Variants in VPS13D observed in about 807,000 individuals in gnomAD.
VPS13D encodes vacuolar protein sorting 13 homolog D, also known as intermembrane lipid transfer protein VPS13D.
VPS13D carries 187 observed loss-of-function variants against 461.9 expected under a neutral mutation model. That is an observed-to-expected ratio of 0.40 (90% CI 0.36 to 0.46). The LOEUF is 0.46. Among genes scored for constraint, VPS13D ranks in the 20% least tolerant of loss-of-function variants. The pLI is 0.60. For missense variants in VPS13D, 4,711 were observed against 5,364.9 expected, an observed-to-expected ratio of 0.88 and a Z score of 3.81; for synonymous variants, 1,951 against 1,986.3, an observed-to-expected ratio of 0.98 and a Z score of 0.47.
chr1:12,481,594 C>T (rs1645718358), intron 67 of VPS13D, among the ~76,000 whole-genome samples: 1 of 152,060 alleles, frequency 6.6e-6, no homozygotes, highest in African/African-American at 2.4e-5. Flanking sequence ...CCTGAGGTGA[C>T]CCCAAGTCCT....
chr1:12,345,252 A>G lies in VPS13D; in HGVS notation c.8886-122A>G, dbSNP rs1009812482. On this transcript the variant is annotated intron_variant, in intron 42 of 69. Coordinates refer to ENST00000620676, the MANE Select transcript of VPS13D (RefSeq NM_015378.4). ...ATTTCCCTTGCATTAGGTAATCTCC[A>G]AAAGGTTTAGCCAACTGGGTTTTTA... 17 of 1,218,476 alleles carry G rather than the reference A, an allele frequency of 1.4e-5. No homozygotes were observed. In the African/African-American group the frequency reaches 2.1e-4, roughly 15 times the overall value. 75.5% of individuals were successfully genotyped at this position (1,218,476 alleles called of 1,614,324 possible).
At chr1:12,448,343 C>G (rs1355617527) in intron 65 of VPS13D, among the ~76,000 whole-genome samples, 1 of 152,116 alleles carries the variant, frequency 6.6e-6, no homozygotes, top group East Asian at 1.9e-4. Flanking sequence ...GAGGCACAAG[C>G]TATTTATGCA....
At chr1:12,353,425 C>T (rs551071739) in intron 46 of VPS13D, among the ~76,000 whole-genome samples, 8 of 149,426 alleles carry the variant, frequency 5.4e-5, no homozygotes, top group South Asian at 2.1e-4. Flanking sequence ...CCCAGCTACT[C>T]GGAAGGCTGA....
intron 55 of VPS13D, among the ~76,000 whole-genome samples, chr1:12,374,725 T>C (rs1644174076): frequency 1.3e-5 from 2 of 152,188 alleles, no homozygotes; most frequent in Admixed American, 6.5e-5. Flanking sequence ...AGTATGTGTA[T>C]GCGTATGTAT....
intron 54 of VPS13D, among the ~76,000 whole-genome samples, chr1:12,370,174 A>T (rs1644096859): frequency 6.6e-6 from 1 of 152,248 alleles, no homozygotes; most frequent in South Asian, 2.1e-4. Context: ...CCTTAGAATT[A>T]TAATCTTCAC....
rs756456366 is a variant in VPS13D, at chr1:12,261,078, C to A, written c.1343C>A (p.Thr448Asn). 8.7e-6 allele frequency: 14 copies of A among 1,614,058 alleles called. No individual in the cohort carries two copies. The highest frequency in any genetic ancestry group is 1.2e-5 in the Non-Finnish European group (14 of 1,180,020). Residue 448 changes from threonine to asparagine, a missense_variant, in exon 12 of 70, where the codon ACC (threonine) becomes AAC (asparagine). Coordinates refer to ENST00000620676, the MANE Select transcript of VPS13D (RefSeq NM_015378.4). The part of the protein sequence containing the change: ...PGWGGWYGQQ[T>N]PEGNVVEGLS... ...TGGGGTGGCTGGTACGGGCAGCAGA[C>A]CCCAGAAGGGAATGTGGTTGAGGGA... is the stretch of plus-strand genomic sequence containing the variant.
intron 21 of VPS13D, among the ~76,000 whole-genome samples, chr1:12,284,360 A>G (rs918170639): frequency 6.6e-6 from 1 of 152,244 alleles, no homozygotes; most frequent in Non-Finnish European, 1.5e-5. Flanking sequence ...CCCTCCACAC[A>G]GTGTGTGGCA....
chr1:12,419,903 G>A (rs999748371), intron 65 of VPS13D, among the ~76,000 whole-genome samples: 9 of 152,038 alleles, frequency 5.9e-5, no homozygotes, highest in Non-Finnish European at 1.0e-4. Context: ...TCCACACCTC[G>A]GCTATCGGCT....
intron 65 of VPS13D, among the ~76,000 whole-genome samples, chr1:12,431,118 C>G (rs1044223340): frequency 6.6e-6 from 1 of 152,148 alleles, no homozygotes; most frequent in Non-Finnish European, 1.5e-5. Context: ...GGTGAGAAGC[C>G]TAGTTTTAAT....
At position 12,507,880 on chromosome 1, in the gene VPS13D, C is replaced by T. The variant is rs1646133806; in HGVS notation, c.13035+787C>T. Reference sequence around the variant, plus strand: ...ATGACACCCAGGTGTTAGTCCTGCTCATTCTCACCCGGCATACCCGGATTT... The same window carrying T: ...ATGACACCCAGGTGTTAGTCCTGCTTATTCTCACCCGGCATACCCGGATTT... On this transcript the variant is annotated intron_variant, in intron 69 of 69. Coordinates refer to ENST00000620676, the MANE Select transcript of VPS13D (RefSeq NM_015378.4). The surrounding 1 kb of genome is among the most constrained non-coding windows in gnomAD (Gnocchi z 5.3). Among the ~76,000 whole-genome samples, 1 of 152,248 alleles carries T rather than the reference C, an allele frequency of 6.6e-6. No individual in the cohort carries two copies. The highest frequency in any genetic ancestry group is 2.4e-5 in the African/African-American group (1 of 41,470).
intron 65 of VPS13D, among the ~76,000 whole-genome samples, chr1:12,437,075 AG>A (rs984394165): frequency 3.3e-4 from 50 of 152,208 alleles, no homozygotes; most frequent in African/African-American, 1.2e-3. Flanking sequence ...TGGCGGCGGG[AG>A]GGGGGTACCC....
At chr1:12,328,481 C>G (rs1643249193) in intron 36 of VPS13D, among the ~76,000 whole-genome samples, 1 of 151,844 alleles carries the variant, frequency 6.6e-6, no homozygotes, top group South Asian at 2.1e-4. Flanking sequence ...AGTGGCCCAC[C>G]ATCACTTCTG....
chr1:12,320,635 T>C (rs1643010766), intron 32 of VPS13D, among the ~76,000 whole-genome samples: 1 of 152,224 alleles, frequency 6.6e-6, no homozygotes, highest in African/African-American at 2.4e-5. Flanking sequence ...TGATGTGAGT[T>C]GATCATGAAA....
At chr1:12,291,461 T>C (rs1642129945) in intron 23 of VPS13D, among the ~76,000 whole-genome samples, 1 of 152,096 alleles carries the variant, frequency 6.6e-6, no homozygotes, top group African/African-American at 2.4e-5. Flanking sequence ...ACTGTCTCTA[T>C]AGAAGAAAAA....
intron 40 of VPS13D, among the ~76,000 whole-genome samples, chr1:12,340,041 G>C (rs1278999505): frequency 6.6e-6 from 1 of 152,094 alleles, no homozygotes; most frequent in Non-Finnish European, 1.5e-5. Flanking sequence ...CTCTCTCATT[G>C]CACTCATAGA....
At chr1:12,316,621 T>C (rs1407202680) in intron 30 of VPS13D, among the ~76,000 whole-genome samples, 1 of 152,194 alleles carries the variant, frequency 6.6e-6, no homozygotes, top group Non-Finnish European at 1.5e-5. Flanking sequence ...TGCTGCCCTT[T>C]TACTAGAGGC....
intron 35 of VPS13D, among the ~76,000 whole-genome samples, chr1:12,325,941 G>A (rs1332842609): frequency 6.8e-6 from 1 of 146,056 alleles, no homozygotes; most frequent in African/African-American, 2.5e-5. Flanking sequence ...AGACCAAAGG[G>A]TATAGATATA....
rs371638109 is a variant in VPS13D, at chr1:12,271,042, G to C, written c.2021G>C (p.Arg674Pro). 6.2e-7 allele frequency: 1 copy of C among 1,613,918 alleles called. No individual in the cohort carries two copies. Residue 674 changes from arginine (R) to proline (P), a missense_variant, in exon 17 of 70, where the codon CGA becomes CCA. Arg to Pro is a moderately radical substitution (Grantham distance 103, BLOSUM62 -2). Around this residue, in one of 3 missense-constraint regions of VPS13D, gnomAD observed 4,411 missense variants for 4,937.8 expected, o/e 0.89. Coordinates refer to ENST00000620676, the MANE Select transcript of VPS13D (RefSeq NM_015378.4). ...GAGCTGAGAGTGGCTGAAGCTGCCC[G>C]AAGACAATATAACAAGCTGAAGATG... ...ELELRVAEAA[R>P]RQYNKLKMQT...
At chr1:12,430,935 G>C (rs1644983520) in intron 65 of VPS13D, among the ~76,000 whole-genome samples, 2 of 152,222 alleles carry the variant, frequency 1.3e-5, no homozygotes, top group Non-Finnish European at 1.5e-5. Context: ...TGCTACAGAA[G>C]AGTTGCTTAG....
Sources: allele counts gnomAD v4.1 joint callset (sites outside exome capture counted in the v4.1 genomes callset), GRCh38; gene constraint gnomAD v4.1.1; regional missense constraint gnomAD v4.1.1; non-coding constraint Gnocchi (gnomAD v3.1); transcripts MANE v1.5; gene names NCBI Gene and HGNC (gene_info 2026-07-23, HGNC 2026-07-21).